SEMA5B: variants seen among roughly 807,000 people sequenced by gnomAD.
SEMA5B encodes the protein semaphorin-5B.
SEMA5B carries 66 observed loss-of-function variants against 135.0 expected under a neutral mutation model. The ratio of observed to expected loss-of-function variants is 0.49; its 90% CI spans 0.40 to 0.60. The LOEUF is 0.60. Ranked by LOEUF, SEMA5B falls within the 20% of genes least tolerant of loss-of-function variation. The probability of loss-of-function intolerance (pLI) is 0.00; values close to 1 mark genes in which losing one functional copy is unlikely to be tolerated. For synonymous variants in SEMA5B, 690 were observed against 639.5 expected, an observed-to-expected ratio of 1.08 and a Z score of -1.19; for missense variants, 1,501 against 1,566.3, an observed-to-expected ratio of 0.96 and a Z score of 0.70.
In SEMA5B at chr3:122,912,247, C is replaced by T. The variant is rs758537665; in HGVS notation, c.2821G>A (p.Ala941Thr). ...CAGATGTCCTCACCTGGGGAGGGTG[C>T]GGGGCTGGTGCAGGAACGGGTGCGT... Reference protein sequence around the residue: ...YQRTRSCTSPAPSPGEDICLG... With the variant: ...YQRTRSCTSPTPSPGEDICLG... Residue 941 changes from alanine (A) to threonine (T), a missense_variant, in exon 19 of 23, where the codon GCA becomes ACA. Physicochemically the swap from Ala to Thr is moderately conservative, Grantham distance 58 (BLOSUM62 0). Coordinates refer to ENST00000357599, the MANE Select transcript of SEMA5B (RefSeq NM_001031702.4). The T allele has an allele frequency of 3.7e-6, 6 of 1,611,448 alleles. No homozygotes were observed. Among genetic ancestry groups the T allele is most frequent in the African/African-American group, 1.3e-5 (1 of 74,862 alleles).
chr3:122,942,642 G>A (rs1041937210), intron 4 of SEMA5B, among the ~76,000 whole-genome samples: 1 of 152,212 alleles, frequency 6.6e-6, no homozygotes, highest in Non-Finnish European at 1.5e-5. Context: ...TTTAAAATAA[G>A]GACGGTTGGA....
chr3:122,913,154 C>T, intron 17 of SEMA5B, 45 bp downstream of exon 17: 2 of 1,479,154 alleles, frequency 1.4e-6, no homozygotes, highest in Non-Finnish European at 1.8e-6. Flanking sequence ...CCTCACCGCT[C>T]CGGGGCTGGG....
chr3:123,023,522 A>G (rs769784833), intron 1 of SEMA5B, among the ~76,000 whole-genome samples: 1 of 152,186 alleles, frequency 6.6e-6, no homozygotes, highest in Non-Finnish European at 1.5e-5. Flanking sequence ...CTTTGCATCT[A>G]TTTACACCAC....
In SEMA5B at chr3:122,911,478, C is replaced by T. The variant is rs367763047; in HGVS notation, c.3091+13G>A. 136 of 1,604,106 alleles carry T rather than the reference C, an allele frequency of 8.5e-5. No homozygotes were observed. Among genetic ancestry groups the T allele is most frequent in the Non-Finnish European group, 1.0e-4 (123 of 1,176,276 alleles). On this transcript the variant is annotated intron_variant, in intron 21 of 22. Transcript: ENST00000357599. The stretch of plus-strand genomic sequence containing the variant: ...GGAGGACCGCAGCATGAGGTAGGTC[C>T]GGTTTCTTTTACCTGCACAGTCGGT...
chr3:122,936,702 C>T (rs1368821033), intron 5 of SEMA5B, among the ~76,000 whole-genome samples: 1 of 152,192 alleles, frequency 6.6e-6, no homozygotes, highest in Non-Finnish European at 1.5e-5. Flanking sequence ...CAATCACTAG[C>T]CTCCTTTTCT....
chr3:122,939,622 A>T (rs1939465806), intron 4 of SEMA5B, 152 bp from the exon 5 acceptor site: 1 of 631,052 alleles, frequency 1.6e-6, no homozygotes, highest in Non-Finnish European at 2.9e-6. Flanking sequence ...CCATTTGCTC[A>T]CTTAATCTTC....
intron 1 of SEMA5B, among the ~76,000 whole-genome samples, chr3:122,967,030 G>T (rs747558984): frequency 6.6e-6 from 1 of 151,464 alleles, no homozygotes; most frequent in South Asian, 2.1e-4. Context: ...GATTGCAGGC[G>T]CCCGCCACCA....
At chr3:122,966,618 G>A (rs111647675) in intron 1 of SEMA5B, among the ~76,000 whole-genome samples, 73 of 149,908 alleles carry the variant, frequency 4.9e-4, no homozygotes, top group Non-Finnish European at 9.0e-4. Flanking sequence ...GCAGTGGCGT[G>A]ATCTCAGCTC....
At chr3:122,965,742 A>G (rs991631790) in intron 1 of SEMA5B, among the ~76,000 whole-genome samples, 3 of 152,226 alleles carry the variant, frequency 2.0e-5, no homozygotes, top group Non-Finnish European at 4.4e-5. Flanking sequence ...TCTTCTCTCT[A>G]GGGAGATAAG....
At chr3:122,989,658 C>T (rs1370241526) in intron 1 of SEMA5B, among the ~76,000 whole-genome samples, 1 of 152,202 alleles carries the variant, frequency 6.6e-6, no homozygotes, top group Non-Finnish European at 1.5e-5. Flanking sequence ...TGTCGTGGGG[C>T]CATGAAACTG....
chr3:122,945,868 A>T (rs1489801341), intron 3 of SEMA5B, among the ~76,000 whole-genome samples: 1 of 150,608 alleles, frequency 6.6e-6, no homozygotes, highest in Admixed American at 6.6e-5. Context: ...GGCCTCTTCC[A>T]GTTTCCGTCC....
At chr3:122,957,998 C>T (rs1940409728) in intron 2 of SEMA5B, among the ~76,000 whole-genome samples, 2 of 152,230 alleles carry the variant, frequency 1.3e-5, no homozygotes, top group African/African-American at 4.8e-5. Context: ...TGCTGCACAC[C>T]AGCCTCCTGT....
At chr3:122,944,565 A>G (rs146434980) in intron 3 of SEMA5B, among the ~76,000 whole-genome samples, 230 of 152,342 alleles carry the variant, frequency 1.5e-3, no homozygotes, top group South Asian at 4.6e-3. Context: ...GGATTTTCAG[A>G]CAAGATTCTG....
chr3:122,920,934 G>A (rs1432862017), intron 12 of SEMA5B, among the ~76,000 whole-genome samples: 3 of 152,214 alleles, frequency 2.0e-5, no homozygotes, highest in African/African-American at 4.8e-5. Context: ...AGTGTGTGGT[G>A]TCTCGCTGAT....
chr3:122,956,481 G>A (rs988462165), intron 2 of SEMA5B, among the ~76,000 whole-genome samples: 1 of 152,188 alleles, frequency 6.6e-6, no homozygotes, highest in Non-Finnish European at 1.5e-5. Flanking sequence ...GTGAAGGAGC[G>A]CAGAGAAGTG....
At chr3:122,942,376 T>C (rs1369416895) in intron 4 of SEMA5B, among the ~76,000 whole-genome samples, 1 of 152,124 alleles carries the variant, frequency 6.6e-6, no homozygotes, top group East Asian at 1.9e-4. Context: ...AGGGCAAGGA[T>C]GGTCAGCTAC....
chr3:122,961,183 C>T lies in SEMA5B; in HGVS notation c.81G>A (p.Arg27=), dbSNP rs150131612. ...GPPDTPAQQL[R]CGWTVGGWLL... ...GCCAGCCCCCTACTGTCCATCCACA[C>T]CTTAGCTGTTGGGCTGGGGTATCAG... Residue 27 remains arginine (R), a synonymous_variant, in exon 2 of 23, where the codon AGG becomes AGA. Transcript: ENST00000357599. The T allele has an allele frequency of 2.2e-4, 352 of 1,613,778 alleles. No homozygotes were observed. The African/African-American group carries it at 4.1e-3, about 19-fold the overall frequency.
chr3:122,920,609 A>G lies in SEMA5B; in HGVS notation c.1688+1306T>C, dbSNP rs73193865. ...CAATCCTTACAACTCTGCCTGTTAA[A>G]CATCATTTGCTCCATCAAATGTCTC... On this transcript the variant is annotated intron_variant, in intron 12 of 22. Transcript: ENST00000357599. Among the ~76,000 whole-genome samples the G allele has an allele frequency of 5.5e-3, 833 of 152,326 alleles. 7 individuals carry two copies. The highest frequency in any genetic ancestry group is 9.3e-3 in the Non-Finnish European group (635 of 68,028).
chr3:123,010,589 T>C (rs1041835230), intron 1 of SEMA5B, among the ~76,000 whole-genome samples: 4 of 151,932 alleles, frequency 2.6e-5, no homozygotes, highest in African/African-American at 9.7e-5. Flanking sequence ...GGCAGGCAGA[T>C]CACAAGGTCA....
Sources: allele counts gnomAD v4.1 joint callset (sites outside exome capture counted in the v4.1 genomes callset), GRCh38; gene constraint gnomAD v4.1.1; transcripts MANE v1.5; gene names NCBI Gene and HGNC (gene_info 2026-07-23, HGNC 2026-07-21).